The following ABCC9 variants were observed in gnomAD, a reference collection of about 807,000 sequenced individuals.
ABCC9 encodes ATP binding cassette subfamily C member 9, also known as ATP-binding cassette sub-family C member 9.
Under a neutral mutation model 188.3 loss-of-function variants are expected in ABCC9, and 95 were observed. The observed-to-expected ratio is 0.50, with a 90% CI of 0.43 to 0.60. The LOEUF is 0.60. Ranked by LOEUF, ABCC9 falls within the 20% of genes least tolerant of loss-of-function variation. ABCC9 has a pLI of 0.00. For synonymous variants in ABCC9, 659 were observed against 652.7 expected, an observed-to-expected ratio of 1.01 and a Z score of -0.15; for missense variants, 1,102 against 1,876.3, an observed-to-expected ratio of 0.59 and a Z score of 7.62.
At chr12:21,858,578 CAAA>C (rs11325700) in intron 22 of ABCC9, among the ~76,000 whole-genome samples, 5 of 136,722 alleles carry the variant, frequency 3.7e-5, no homozygotes, top group Non-Finnish European at 6.3e-5. Flanking sequence ...GAATCCATCT[CAAA>C]AAAAAAAAAA....
chr12:21,933,061 C>T (rs866314649), intron 4 of ABCC9, among the ~76,000 whole-genome samples: 18 of 111,786 alleles, frequency 1.6e-4, no homozygotes, highest in African/African-American at 5.6e-4. Flanking sequence ...CAGAAAAAAA[C>T]AAGATAATTT....
intron 12 of ABCC9, among the ~76,000 whole-genome samples, chr12:21,899,285 G>A (rs1380284489): frequency 2.0e-5 from 3 of 152,220 alleles, no homozygotes; most frequent in Admixed American, 2.0e-4. Context: ...AATGCTGTTT[G>A]AGAAAGATGT....
intron 33 of ABCC9, among the ~76,000 whole-genome samples, chr12:21,816,138 T>C (rs149794206): frequency 4.6e-4 from 70 of 150,572 alleles, no homozygotes; most frequent in African/African-American, 1.6e-3. Context: ...GACAGTTTTT[T>C]TCGTGTTTGT....
At chr12:21,895,908 G>A (rs929726945) in intron 12 of ABCC9, among the ~76,000 whole-genome samples, 2 of 151,948 alleles carry the variant, frequency 1.3e-5, no homozygotes, top group East Asian at 3.9e-4. Context: ...TCACATTTTA[G>A]CTTGAAATAC....
At chr12:21,837,849 A>G (rs959177918) in intron 30 of ABCC9, among the ~76,000 whole-genome samples, 3 of 152,192 alleles carry the variant, frequency 2.0e-5, no homozygotes, top group African/African-American at 7.2e-5. Flanking sequence ...TCACACAGCT[A>G]GTATTTTTCC....
At chr12:21,919,121 G>T (rs1948710245) in intron 5 of ABCC9, among the ~76,000 whole-genome samples, 1 of 151,870 alleles carries the variant, frequency 6.6e-6, no homozygotes, top group Non-Finnish European at 1.5e-5. Context: ...AAACTGCATA[G>T]CTACCTTTAA....
At chr12:21,898,222 T>C (rs938777618) in intron 12 of ABCC9, among the ~76,000 whole-genome samples, 12 of 152,150 alleles carry the variant, frequency 7.9e-5, no homozygotes, top group Non-Finnish European at 1.2e-4. Flanking sequence ...TTAAATGAGA[T>C]GGTATATGAA....
chr12:21,811,733 A>G (rs1189908536), intron 36 of ABCC9, among the ~76,000 whole-genome samples: 1 of 152,192 alleles, frequency 6.6e-6, no homozygotes, highest in Admixed American at 6.6e-5. Flanking sequence ...GTCAGGCCAG[A>G]CACACAAGTT....
intron 30 of ABCC9, among the ~76,000 whole-genome samples, chr12:21,829,375 G>C (rs1380992105): frequency 6.6e-6 from 1 of 151,558 alleles, no homozygotes; most frequent in Admixed American, 6.6e-5. Flanking sequence ...CTAATTTTTT[G>C]TATTTTTAGT....
rs574799514 is a variant in ABCC9 at position 21,802,032 on chromosome 12, C to A, written c.4513-851G>T. Reference sequence around the variant, plus strand: ...AACTGTTTCATAAGGCTCTCTGATACCTTAGAGGAGCATTCACCTGCCATG... The same window carrying A: ...AACTGTTTCATAAGGCTCTCTGATAACTTAGAGGAGCATTCACCTGCCATG... On this transcript the variant is annotated intron_variant, in intron 39 of 39. Coordinates refer to ENST00000261200, the MANE Select transcript of ABCC9 (RefSeq NM_020297.4). Among the ~76,000 whole-genome samples, 6 of 152,240 alleles carry A rather than the reference C, an allele frequency of 3.9e-5. No homozygotes were observed. In the East Asian group the frequency reaches 1.2e-3, roughly 29 times the overall value.
intron 14 of ABCC9, among the ~76,000 whole-genome samples, chr12:21,888,784 T>C: frequency 6.6e-6 from 1 of 151,968 alleles, no homozygotes; most frequent in Non-Finnish European, 1.5e-5. Context: ...AATAAATAAG[T>C]AAAACAAAGA....
chr12:21,834,807 ACAC>A (rs1943985096), intron 30 of ABCC9, among the ~76,000 whole-genome samples: 1 of 151,668 alleles, frequency 6.6e-6, no homozygotes, highest in Non-Finnish European at 1.5e-5. Flanking sequence ...ACACACACAC[ACAC>A]ACACACACAC....
chr12:21,906,196 T>C lies in ABCC9; in HGVS notation c.1548A>G (p.Lys516=). ...CTTTCATTCTTGTTTCCTCCACACTTTTGCAGAAAATGTGTTCCCAGGCAT... is the reference window on the plus strand; with the variant it reads ...CTTTCATTCTTGTTTCCTCCACACTCTTGCAGAAAATGTGTTCCCAGGCAT... ...KLYAWEHIFC[K]SVEETRMKEL... The change falls in exon 12 of 40, where the codon AAA becomes AAG. Residue 516 remains lysine, a synonymous_variant. Coordinates refer to ENST00000261200, the MANE Select transcript of ABCC9 (RefSeq NM_020297.4). The C allele has an allele frequency of 6.2e-7, 1 of 1,613,252 alleles. No homozygotes were observed. The highest frequency in any genetic ancestry group is 8.5e-7 in the Non-Finnish European group (1 of 1,179,454).
intron 29 of ABCC9, 44 bp from the exon 30 acceptor site, chr12:21,838,214 C>T: frequency 1.6e-6 from 2 of 1,247,486 alleles, no homozygotes; most frequent in East Asian, 2.3e-5. Flanking sequence ...TGCATCCAGA[C>T]TCAAAGACTA....
Position 21,797,923 on chromosome 12 carries a change from A to C in ABCC9, c.*3121T>G, listed in dbSNP as rs1465031870. On this transcript the variant is annotated 3_prime_UTR_variant, in exon 40 of 40. Coordinates refer to ENST00000261200, the MANE Select transcript of ABCC9 (RefSeq NM_020297.4). ...ATAAAATTTATAAATGTAAAATCTG[A>C]TTTAGTTAAGGTGGTCATCTTTTAC... 2.0e-5 allele frequency: 3 copies of C among 152,178 alleles called. No homozygotes were observed. The highest frequency in any genetic ancestry group is 7.2e-5 in the African/African-American group (3 of 41,452). 9.4% of individuals were successfully genotyped at this position (152,178 alleles called of 1,614,324 possible).
chr12:21,842,132 C>T (rs7315850), intron 29 of ABCC9, among the ~76,000 whole-genome samples, 182 bp downstream of exon 29: 121 of 152,292 alleles, frequency 7.9e-4, no homozygotes, highest in African/African-American at 2.6e-3. Flanking sequence ...CATCACACAT[C>T]GCTTCATCAG....
chr12:21,892,168 G>T (rs1198078500), intron 14 of ABCC9, among the ~76,000 whole-genome samples: 1 of 152,152 alleles, frequency 6.6e-6, no homozygotes, highest in Non-Finnish European at 1.5e-5. Context: ...AGAGTGCTGT[G>T]CAGAAATATA....
chr12:21,920,205 A>G (rs1018319758), intron 5 of ABCC9, among the ~76,000 whole-genome samples: 1 of 152,040 alleles, frequency 6.6e-6, no homozygotes, highest in Non-Finnish European at 1.5e-5. Context: ...TCTTATGTCT[A>G]TTTGGCATTT....
intron 27 of ABCC9, 106 bp downstream of exon 27, chr12:21,844,661 G>A: frequency 1.3e-6 from 2 of 1,558,966 alleles, no homozygotes; most frequent in South Asian, 1.1e-5. Flanking sequence ...CTATTCATTT[G>A]CTCAAGGACT....
Sources: allele counts gnomAD v4.1 joint callset (sites outside exome capture counted in the v4.1 genomes callset), GRCh38; gene constraint gnomAD v4.1.1; transcripts MANE v1.5; gene names NCBI Gene and HGNC (gene_info 2026-07-23, HGNC 2026-07-21).